Variants in GPBP1L1 observed in about 807,000 individuals in gnomAD.
The protein encoded by GPBP1L1 is GC-rich promoter binding protein 1 like 1, also known as vasculin-like protein 1.
In GPBP1L1, 23 loss-of-function variants were observed where a neutral mutation model predicts 52.5. The observed-to-expected ratio is 0.44, with a 90% CI of 0.32 to 0.62. The LOEUF is 0.62. Among genes scored for constraint, GPBP1L1 ranks in the 20% least tolerant of loss-of-function variants. The probability of loss-of-function intolerance (pLI) is 0.06; values close to 1 mark genes in which losing one functional copy is unlikely to be tolerated. For missense variants in GPBP1L1, 596 were observed against 579.3 expected, an observed-to-expected ratio of 1.03 and a Z score of -0.30; for synonymous variants, 243 against 203.1, an observed-to-expected ratio of 1.20 and a Z score of -1.67.
At chr1:45,667,838 C>G (rs1438263598) in intron 2 of GPBP1L1, among the ~76,000 whole-genome samples, 1 of 152,204 alleles carries the variant, frequency 6.6e-6, no homozygotes, top group African/African-American at 2.4e-5. Flanking sequence ...ACCCCCACCT[C>G]CTGGGTTCAA....
chr1:45,629,453 A>AT (rs137955259), intron 12 of GPBP1L1, 123 bp downstream of exon 12: 9,108 of 93,600 alleles, frequency 0.097, 1,177 homozygotes, highest in South Asian at 0.21. Flanking sequence ...TACTAAGGTA[A>AT]TCCCCCCCCC....
chr1:45,636,046 A>C (rs1291515402), intron 8 of GPBP1L1, among the ~76,000 whole-genome samples: 4 of 152,122 alleles, frequency 2.6e-5, no homozygotes, highest in African/African-American at 9.7e-5. Flanking sequence ...TTAACTATTT[A>C]CTGCTTAGTT....
Position 45,632,584 on chromosome 1 carries a change from C to G in GPBP1L1, c.1044+905G>C, listed in dbSNP as rs548868451. Reference sequence around the variant, plus strand: ...TACAAAAATTAGCTGGGCGTGGTGGCGGGTGCCTGTAATCCCAGCTACTCA... The same window carrying G: ...TACAAAAATTAGCTGGGCGTGGTGGGGGGTGCCTGTAATCCCAGCTACTCA... On this transcript the variant is annotated intron_variant, in intron 10 of 12. Coordinates refer to ENST00000355105, the MANE Select transcript of GPBP1L1 (RefSeq NM_021639.5). 4.6e-5 allele frequency among the ~76,000 whole-genome samples: 7 copies of G among 152,120 alleles called. No homozygotes were observed. The South Asian group carries it at 1.5e-3, about 32-fold the overall frequency.
chr1:45,669,007 T>G (rs1645043116), intron 2 of GPBP1L1, among the ~76,000 whole-genome samples: 1 of 152,140 alleles, frequency 6.6e-6, no homozygotes, highest in Non-Finnish European at 1.5e-5. Context: ...CAATACATTC[T>G]CCATCTGTCA....
At chr1:45,648,127 CAA>C (rs1303057517) in intron 6 of GPBP1L1, among the ~76,000 whole-genome samples, 2 of 151,954 alleles carry the variant, frequency 1.3e-5, no homozygotes, top group East Asian at 1.9e-4. Context: ...TTTGTAGAGA[CAA>C]AAGTTTCACC....
In GPBP1L1 at chr1:45,659,049, G is replaced by A. The variant is rs1198360852; in HGVS notation, c.39C>T (p.Phe13=). 1.2e-6 allele frequency: 2 copies of A among 1,613,294 alleles called. No individual in the cohort carries two copies. Among genetic ancestry groups the A allele is most frequent in the Non-Finnish European group, 1.7e-6 (2 of 1,179,330 alleles). The change falls in exon 4 of 13, where the codon TTC becomes TTT. Residue 13 remains phenylalanine (F), a synonymous_variant. Transcript: ENST00000355105. ...QHDFVPAWLN[F]STPQSAKSPT... Reference sequence around the variant, plus strand: ...GTACCTTAGCTGACTGTGGTGTTGAGAAATTTAGCCAAGCAGGAACAAAAT... The same window carrying A: ...GTACCTTAGCTGACTGTGGTGTTGAAAAATTTAGCCAAGCAGGAACAAAAT...
intron 2 of GPBP1L1, among the ~76,000 whole-genome samples, chr1:45,683,167 CACA>C (rs957634708): frequency 2.8e-5 from 4 of 141,316 alleles, no homozygotes; most frequent in Admixed American, 7.1e-5. Flanking sequence ...TCAAGTTAAA[CACA>C]ACAACTTAGA....
At chr1:45,640,542 A>T in intron 7 of GPBP1L1, 139 bp from the exon 8 acceptor site, 1 of 680,180 alleles carries the variant, frequency 1.5e-6, no homozygotes, top group Non-Finnish European at 2.6e-6. Flanking sequence ...GTATGCACTT[A>T]ATAGATACTC....
intron 8 of GPBP1L1, among the ~76,000 whole-genome samples, chr1:45,636,098 T>C (rs1025454995): frequency 7.2e-5 from 11 of 152,222 alleles, no homozygotes; most frequent in African/African-American, 2.7e-4. Flanking sequence ...AGTAAAACTC[T>C]TTCATAAATA....
chr1:45,685,238 A>G (rs1645265099), intron 2 of GPBP1L1, among the ~76,000 whole-genome samples: 1 of 152,220 alleles, frequency 6.6e-6, no homozygotes, highest in Admixed American at 6.5e-5. Flanking sequence ...AAAAGACCTT[A>G]GAAAAGATCA....
intron 2 of GPBP1L1, among the ~76,000 whole-genome samples, chr1:45,666,564 T>G (rs976049351): frequency 6.6e-6 from 1 of 152,168 alleles, no homozygotes; most frequent in Admixed American, 6.6e-5. Flanking sequence ...TAATAAATTT[T>G]TATGAATTAT....
intron 12 of GPBP1L1, 105 bp downstream of exon 12, chr1:45,629,471 C>CCCCCCCCCCCCA (rs374105264): frequency 1.4e-5 from 2 of 143,934 alleles, no homozygotes; most frequent in African/African-American, 6.2e-5. Flanking sequence ...CCCCCCCACC[C>CCCCCCCCCCCCA]GATCTTTCTC....
intron 6 of GPBP1L1, among the ~76,000 whole-genome samples, chr1:45,648,314 A>G (rs1644777771): frequency 6.6e-6 from 1 of 152,184 alleles, no homozygotes; most frequent in Non-Finnish European, 1.5e-5. Flanking sequence ...CAATCTTGCT[A>G]TAGTTAAATT....
chr1:45,673,190 G>A (rs1271608775), intron 2 of GPBP1L1, among the ~76,000 whole-genome samples: 3 of 152,140 alleles, frequency 2.0e-5, no homozygotes, highest in Non-Finnish European at 4.4e-5. Context: ...TACATAGGTG[G>A]GAAAGCAGAA....
chr1:45,630,476 A>G lies in GPBP1L1; in HGVS notation c.1169+6T>C. ...CTGCATGCCCTGTGATGTCCTCCTCACTTACCTGTGCTCTGCTTCTAGAGA... is the reference window on the plus strand; with the variant it reads ...CTGCATGCCCTGTGATGTCCTCCTCGCTTACCTGTGCTCTGCTTCTAGAGA... On this transcript the variant is annotated splice_donor_region_variant and intron_variant, in intron 11 of 12. Coordinates refer to ENST00000355105, the MANE Select transcript of GPBP1L1 (RefSeq NM_021639.5). The G allele has an allele frequency of 1.2e-6, 2 of 1,613,658 alleles. No individual in the cohort carries two copies. The highest frequency in any genetic ancestry group is 1.7e-6 in the Non-Finnish European group (2 of 1,179,718).
chr1:45,631,460 G>A (rs1448387979), intron 10 of GPBP1L1, among the ~76,000 whole-genome samples: 27 of 151,890 alleles, frequency 1.8e-4, no homozygotes, highest in Admixed American at 1.8e-3. Flanking sequence ...ACGGGGTTTC[G>A]CCAGGTTGGC....
chr1:45,635,047 G>A (rs1252587946), intron 8 of GPBP1L1: 1 of 152,192 alleles, frequency 6.6e-6, no homozygotes, highest in African/African-American at 2.4e-5. Flanking sequence ...CTTGATTGAT[G>A]GGTATTAAAA....
intron 2 of GPBP1L1, among the ~76,000 whole-genome samples, chr1:45,681,190 A>AT (rs1278611084): frequency 6.6e-6 from 1 of 152,208 alleles, no homozygotes; most frequent in Non-Finnish European, 1.5e-5. Context: ...CAACAGAGAA[A>AT]TTGCAAGAAA....
At position 45,641,418 on chromosome 1, in the gene GPBP1L1, A is replaced by G. The variant is rs1043349120; in HGVS notation, c.550+1009T>C. ...CTGTCTCAAAAAACAAAACAAAACA[A>G]AACAAAAAACCACAAACATATATAT... On this transcript the variant is annotated intron_variant, in intron 7 of 12. Transcript: ENST00000355105. 2.6e-5 allele frequency among the ~76,000 whole-genome samples: 4 copies of G among 152,064 alleles called. No individual in the cohort carries two copies. The East Asian group carries it at 7.7e-4, about 29-fold the overall frequency.
Sources: gnomAD v4.1 joint callset for allele counts (sites outside exome capture counted in the v4.1 genomes callset) on GRCh38, gnomAD v4.1.1 for gene constraint, MANE v1.5 for transcripts, NCBI Gene and HGNC (gene_info 2026-07-23, HGNC 2026-07-21) for gene names.